KHDRBS2: variants seen among roughly 807,000 people sequenced by gnomAD.
KHDRBS2 encodes KH domain-containing, RNA-binding, signal transduction-associated protein 2.
In KHDRBS2, 26 loss-of-function variants were observed where a neutral mutation model predicts 44.3. The ratio of observed to expected loss-of-function variants is 0.59; its 90% CI spans 0.43 to 0.81. KHDRBS2 has a LOEUF of 0.81. Ranked by LOEUF, KHDRBS2 falls within the 40% of genes least tolerant of loss-of-function variation. KHDRBS2 has a pLI of 0.00. For missense variants in KHDRBS2, 476 were observed against 433.1 expected, an observed-to-expected ratio of 1.10 and a Z score of -0.88; for synonymous variants, 194 against 151.1, an observed-to-expected ratio of 1.28 and a Z score of -2.08.
At chr6:61,916,298 A>T (rs1257107146) in intron 4 of KHDRBS2, among the ~76,000 whole-genome samples, 1 of 152,038 alleles carries the variant, frequency 6.6e-6, no homozygotes, top group Non-Finnish European at 1.5e-5. Flanking sequence ...ATTCTCAAAA[A>T]ACTACTCTTG....
At chr6:61,967,172 G>C (rs1247408393) in intron 4 of KHDRBS2, among the ~76,000 whole-genome samples, 3 of 138,988 alleles carry the variant, frequency 2.2e-5, no homozygotes, top group Non-Finnish European at 4.6e-5. Context: ...TAAATGATTA[G>C]ATTGGAGTAG....
chr6:62,227,538 T>A (rs1832105351), intron 1 of KHDRBS2, among the ~76,000 whole-genome samples: 1 of 152,198 alleles, frequency 6.6e-6, no homozygotes, highest in Non-Finnish European at 1.5e-5. Context: ...CTAACTGCCC[T>A]GCCCAGAACT....
chr6:61,653,741 C>A, the KHDRBS2 span, among the ~76,000 whole-genome samples: 1 of 151,704 alleles, frequency 6.6e-6, no homozygotes, highest in Non-Finnish European at 1.5e-5. Flanking sequence ...AATACTACTG[C>A]AAGGATAGTT....
the KHDRBS2 span, among the ~76,000 whole-genome samples, chr6:61,567,655 A>C: frequency 6.6e-6 from 1 of 151,804 alleles, no homozygotes; most frequent in Non-Finnish European, 1.5e-5. Context: ...CAAAACAAAC[A>C]AACAAAAAAA....
At chr6:62,011,007 T>C (rs1584139712) in intron 3 of KHDRBS2, among the ~76,000 whole-genome samples, 1 of 152,196 alleles carries the variant, frequency 6.6e-6, no homozygotes, top group Non-Finnish European at 1.5e-5. Context: ...TTTTGTTTTT[T>C]ATTCCTGCAC....
intron 2 of KHDRBS2, among the ~76,000 whole-genome samples, chr6:62,140,269 A>T (rs1423478114): frequency 5.9e-5 from 9 of 152,218 alleles, no homozygotes; most frequent in Non-Finnish European, 1.3e-4. Context: ...ATTTCTGTGT[A>T]GGAGATAACA....
chr6:61,829,559 A>C (rs1791468194), intron 6 of KHDRBS2, among the ~76,000 whole-genome samples: 1 of 152,184 alleles, frequency 6.6e-6, no homozygotes, highest in South Asian at 2.1e-4. Flanking sequence ...ATGGTAAAAA[A>C]AAAACCTAGT....
chr6:61,821,913 T>C (rs1450872339), intron 6 of KHDRBS2, among the ~76,000 whole-genome samples: 1 of 152,020 alleles, frequency 6.6e-6, no homozygotes, highest in Non-Finnish European at 1.5e-5. Context: ...ACACTCCAGA[T>C]AAAAATGTCT....
intron 2 of KHDRBS2, among the ~76,000 whole-genome samples, chr6:62,094,908 C>T (rs2127367210): frequency 6.6e-6 from 1 of 151,916 alleles, no homozygotes; most frequent in African/African-American, 2.4e-5. Context: ...CTATTCTGTT[C>T]CATTGGTCTA....
intron 3 of KHDRBS2, among the ~76,000 whole-genome samples, chr6:62,047,579 G>A (rs1210413725): frequency 6.6e-6 from 1 of 151,746 alleles, no homozygotes; most frequent in Admixed American, 6.6e-5. Context: ...AATGAACACA[G>A]ACATATAGAA....
chr6:61,654,834 C>G, the KHDRBS2 span, among the ~76,000 whole-genome samples: 1 of 151,448 alleles, frequency 6.6e-6, no homozygotes, highest in Non-Finnish European at 1.5e-5. Context: ...AAACTTGAGT[C>G]GTGAGAGGCA....
chr6:61,852,059 TA>T (rs1415932117), intron 6 of KHDRBS2, among the ~76,000 whole-genome samples: 5 of 151,782 alleles, frequency 3.3e-5, no homozygotes, highest in Non-Finnish European at 7.4e-5. Context: ...GCATCTCTAC[TA>T]AAATTACAAA....
intron 2 of KHDRBS2, among the ~76,000 whole-genome samples, chr6:62,072,853 C>G (rs545335389): frequency 1.3e-5 from 2 of 152,202 alleles, no homozygotes; most frequent in African/African-American, 4.8e-5. Context: ...ATGCTGGCCT[C>G]ATAAAATGAG....
intron 1 of KHDRBS2, among the ~76,000 whole-genome samples, chr6:62,227,346 T>TG (rs1156748238): frequency 6.6e-6 from 1 of 152,190 alleles, no homozygotes; most frequent in Non-Finnish European, 1.5e-5. Flanking sequence ...TATATAGGAA[T>TG]GCTTGTGATT....
At chr6:62,169,018 G>A (rs1440206448) in intron 2 of KHDRBS2, among the ~76,000 whole-genome samples, 9 of 107,606 alleles carry the variant, frequency 8.4e-5, no homozygotes, top group Admixed American at 5.8e-4. Context: ...GTTAAGAATA[G>A]TGTTTGTTCT....
chr6:61,677,418 CTG>C (rs1258264059), downstream of KHDRBS2, among the ~76,000 whole-genome samples: 82 of 151,892 alleles, frequency 5.4e-4, no homozygotes, highest in African/African-American at 2.0e-3. Context: ...GAATTTAACT[CTG>C]TAATTTTTGA....
chr6:61,605,273 T>G, the KHDRBS2 span, among the ~76,000 whole-genome samples: 1 of 151,974 alleles, frequency 6.6e-6, no homozygotes, highest in South Asian at 2.1e-4. Flanking sequence ...TCTAGTCATA[T>G]TCCTATTCAC....
chr6:61,850,672 G>A (rs1408686937), intron 6 of KHDRBS2, among the ~76,000 whole-genome samples: 1 of 152,122 alleles, frequency 6.6e-6, no homozygotes. Context: ...TTTAGTTATT[G>A]TAATTTCAGG....
intron 6 of KHDRBS2, among the ~76,000 whole-genome samples, chr6:61,817,632 T>A (rs1339661345): frequency 6.6e-6 from 1 of 152,150 alleles, no homozygotes; most frequent in Non-Finnish European, 1.5e-5. Flanking sequence ...TCTGTTTTTA[T>A]GAACCATTAT....
Sources: allele counts gnomAD v4.1 joint callset (sites outside exome capture counted in the v4.1 genomes callset), GRCh38; gene constraint gnomAD v4.1.1; transcripts MANE v1.5; gene names NCBI Gene and HGNC (gene_info 2026-07-23, HGNC 2026-07-21).